DCT: variants seen among roughly 807,000 people sequenced by gnomAD.
DCT encodes the protein L-dopachrome tautomerase.
Under a neutral mutation model 53.0 loss-of-function variants are expected in DCT, and 47 were observed. The observed-to-expected ratio is 0.89, with a 90% CI of 0.70 to 1.13. The LOEUF (loss-of-function observed/expected upper bound fraction) is 1.13, where lower values mean the gene tolerates loss of function less well. DCT is among the 50% of genes most tolerant of loss of function. The pLI is 0.00. For missense variants in DCT, 669 were observed against 637.4 expected (o/e 1.05, Z -0.53); for synonymous variants, 244 against 237.0 (o/e 1.03, Z -0.27).
chr13:94,489,329 G>T, the DCT span, among the ~76,000 whole-genome samples: 1 of 152,094 alleles, frequency 6.6e-6, no homozygotes, highest in Admixed American at 6.5e-5. Flanking sequence ...GTTACTTTGT[G>T]AATAAGGACA....
intron 7 of DCT, among the ~76,000 whole-genome samples, chr13:94,440,522 A>C (rs1041079266): frequency 1.2e-4 from 18 of 152,174 alleles, no homozygotes; most frequent in Middle Eastern, 3.4e-3. Flanking sequence ...ACTGGCTATT[A>C]CACCAGGAGA....
At chr13:94,456,231 T>C (rs1489456186) in intron 6 of DCT, among the ~76,000 whole-genome samples, 1 of 152,154 alleles carries the variant, frequency 6.6e-6, no homozygotes, top group African/African-American at 2.4e-5. Context: ...AAACATTTTT[T>C]AGAAGGAAAG....
At chr13:94,521,749 A>G in the DCT span, among the ~76,000 whole-genome samples, 1 of 152,382 alleles carries the variant, frequency 6.6e-6, no homozygotes, top group South Asian at 2.1e-4. Flanking sequence ...TAACAGCTTT[A>G]TTAAGATATA....
At chr13:94,440,869 C>T (rs41307605) in intron 7 of DCT, among the ~76,000 whole-genome samples, 1 of 151,786 alleles carries the variant, frequency 6.6e-6, no homozygotes. Context: ...TTAGTAGAGA[C>T]AGGGTTTCGC....
chr13:94,460,055 A>G (rs1883677269), intron 6 of DCT, 36 bp downstream of exon 6: 1 of 1,600,216 alleles, frequency 6.2e-7, no homozygotes, highest in Non-Finnish European at 8.5e-7. Flanking sequence ...CATATTATCT[A>G]GAAAATTTTC....
the DCT span, among the ~76,000 whole-genome samples, chr13:94,529,994 T>G: frequency 6.6e-6 from 1 of 152,218 alleles, no homozygotes; most frequent in Non-Finnish European, 1.5e-5. Context: ...CAGAGAATAC[T>G]ATAAACACCT....
the DCT span, among the ~76,000 whole-genome samples, chr13:94,525,563 G>A: frequency 3.9e-5 from 6 of 152,238 alleles, no homozygotes; most frequent in South Asian, 4.2e-4. Context: ...CCTTCATTGC[G>A]GCCTAATCAC....
chr13:94,547,170 G>C, the DCT span, among the ~76,000 whole-genome samples: 68 of 151,434 alleles, frequency 4.5e-4, no homozygotes, highest in Non-Finnish European at 7.8e-4. Flanking sequence ...AGGCTGGAGC[G>C]CAGTGGCATA....
the DCT span, among the ~76,000 whole-genome samples, chr13:94,524,746 C>T: frequency 1.3e-5 from 2 of 152,004 alleles, no homozygotes; most frequent in Admixed American, 6.6e-5. Flanking sequence ...CCCTCGTGCC[C>T]CCAAATTTCA....
chr13:94,466,773 GA>G (rs921284054), intron 2 of DCT, 115 bp from the exon 3 acceptor site: 9 of 517,196 alleles, frequency 1.7e-5, no homozygotes, highest in South Asian at 1.1e-4. Context: ...ATAGTAGTAA[GA>G]AAAAAAAGTT....
chr13:94,461,086 A>C (rs1254585699), intron 5 of DCT, among the ~76,000 whole-genome samples: 2 of 152,172 alleles, frequency 1.3e-5, no homozygotes, highest in Non-Finnish European at 2.9e-5. Context: ...TTGTTTTGAA[A>C]AGGAGGATGA....
chr13:94,449,359 T>C (rs1044916967), intron 6 of DCT, among the ~76,000 whole-genome samples: 2 of 152,214 alleles, frequency 1.3e-5, no homozygotes, highest in Non-Finnish European at 2.9e-5. Flanking sequence ...AAGAAAAGTT[T>C]CTGCATCTAG....
the DCT span, among the ~76,000 whole-genome samples, chr13:94,499,882 G>T: frequency 6.6e-6 from 1 of 152,048 alleles, no homozygotes; most frequent in Non-Finnish European, 1.5e-5. Context: ...GCTTTATTGA[G>T]GTTATAACTG....
At chr13:94,528,368 A>G in the DCT span, among the ~76,000 whole-genome samples, 1 of 152,208 alleles carries the variant, frequency 6.6e-6, no homozygotes, top group Non-Finnish European at 1.5e-5. Context: ...TGAAGGAAAA[A>G]AATGTTAAGG....
intron 6 of DCT, among the ~76,000 whole-genome samples, chr13:94,459,380 C>T (rs1883626382): frequency 6.6e-6 from 1 of 152,126 alleles, no homozygotes; most frequent in Non-Finnish European, 1.5e-5. Flanking sequence ...TTAATGCCAT[C>T]GGTGAAGGCA....
At chr13:94,539,062 T>C in the DCT span, among the ~76,000 whole-genome samples, 3 of 152,192 alleles carry the variant, frequency 2.0e-5, no homozygotes, top group African/African-American at 4.8e-5. Flanking sequence ...AGAACTCCAA[T>C]AGACTTTTTA....
rs1882127930 is a variant in DCT at position 94,439,623 on chromosome 13, AT to A, written c.*274del. 5.1e-6 allele frequency: 1 copy of A among 197,638 alleles called. No homozygotes were observed. Among genetic ancestry groups the A allele is most frequent in the Non-Finnish European group, 9.6e-6 (1 of 104,374 alleles). 12.2% of individuals were successfully genotyped at this position (197,638 alleles called of 1,614,324 possible). A position where few individuals can be genotyped will look rare whatever the true frequency, so the allele number is the denominator to read the frequency against. On this transcript the variant is annotated 3_prime_UTR_variant, in exon 8 of 8. Coordinates refer to ENST00000377028, the MANE Select transcript of DCT (RefSeq NM_001922.5). ...CAGAAAAGGAGGAGGCTTAATCAAT[AT>A]TGGGGGGGGGGTTATTATTAGATAT...
the DCT span, among the ~76,000 whole-genome samples, chr13:94,489,264 G>A: frequency 2.0e-5 from 3 of 152,222 alleles, no homozygotes; most frequent in South Asian, 4.2e-4. Context: ...ATTACATAAA[G>A]GAGGAGTTTC....
At chr13:94,455,381 T>TAGAGAGAGAGAGAGAGAGAGAGAGAGAG (rs56301019) in intron 6 of DCT, among the ~76,000 whole-genome samples, 13 of 141,648 alleles carry the variant, frequency 9.2e-5, no homozygotes, top group African/African-American at 3.2e-4. Flanking sequence ...GACTGTCTCT[T>TAGAGAGAGAGAGAGAGAGAGAGAGAGAG]AGAGAGAGAG....
Sources: gnomAD v4.1 joint callset for allele counts (sites outside exome capture counted in the v4.1 genomes callset) on GRCh38, gnomAD v4.1.1 for gene constraint, MANE v1.5 for transcripts, NCBI Gene and HGNC (gene_info 2026-07-23, HGNC 2026-07-21) for gene names.